NUP210L: variants seen among roughly 807,000 people sequenced by gnomAD.
The protein encoded by NUP210L is nucleoporin 210 like, also known as nuclear pore membrane glycoprotein 210-like.
A neutral mutation model predicts 208.5 loss-of-function variants in NUP210L; 74 were observed. The ratio of observed to expected loss-of-function variants is 0.35; its 90% CI spans 0.29 to 0.43. NUP210L has a LOEUF of 0.43. NUP210L is among the 20% of genes least tolerant of loss of function. NUP210L has a pLI of 1.00. For missense variants in NUP210L, 1,843 were observed against 2,289.4 expected, an observed-to-expected ratio of 0.81 and a Z score of 3.98; for synonymous variants, 780 against 816.9, an observed-to-expected ratio of 0.95 and a Z score of 0.77.
chr1:154,124,193 A>G (rs954471842), intron 10 of NUP210L, among the ~76,000 whole-genome samples: 4 of 31,082 alleles, frequency 1.3e-4, no homozygotes, highest in Admixed American at 7.1e-4. Context: ...TCTCAAAAAG[A>G]AAAAAAAAAA....
chr1:154,082,212 A>G (rs1198412008), intron 16 of NUP210L, among the ~76,000 whole-genome samples: 1 of 152,228 alleles, frequency 6.6e-6, no homozygotes, highest in Non-Finnish European at 1.5e-5. Context: ...GTTGGTCATA[A>G]GAGTGGGTAG....
At chr1:154,105,379 A>G (rs1232586053) in intron 12 of NUP210L, among the ~76,000 whole-genome samples, 1 of 152,004 alleles carries the variant, frequency 6.6e-6, no homozygotes, top group African/African-American at 2.4e-5. Context: ...AATCCCAGCT[A>G]TCAGGAGGCT....
intron 16 of NUP210L, among the ~76,000 whole-genome samples, chr1:154,073,266 C>T (rs908506004): frequency 1.3e-5 from 2 of 151,974 alleles, no homozygotes; most frequent in Non-Finnish European, 2.9e-5. Flanking sequence ...TTTGTAGAGA[C>T]GGGGTCTCAC....
At chr1:154,035,081 C>G (rs957094668) in intron 27 of NUP210L, among the ~76,000 whole-genome samples, 1 of 152,058 alleles carries the variant, frequency 6.6e-6, no homozygotes, top group Admixed American at 6.6e-5. Flanking sequence ...ACCTTGTGAT[C>G]TACCTGCCTC....
In NUP210L at chr1:154,139,699, A is replaced by C. The variant is rs1658735351; in HGVS notation, c.717+103T>G. 5 of 883,838 alleles carry C rather than the reference A, an allele frequency of 5.7e-6. No homozygotes were observed. In the Middle Eastern group the frequency reaches 7.1e-4, roughly 126 times the overall value. The allele number at this position is 883,838 out of a possible 1,614,324, so 54.7% of individuals were successfully genotyped here. A position where few individuals can be genotyped will look rare whatever the true frequency, so the allele number is the denominator to read the frequency against. ...ACAAACAAACAAACAAAAAAAAAAA[A>C]AAAACAGGGCGGGTAGTGCATTCTT... On this transcript the variant is annotated intron_variant, in intron 5 of 39. Transcript: ENST00000368559.
chr1:154,007,352 TC>T (rs1442729995), intron 35 of NUP210L, among the ~76,000 whole-genome samples: 18 of 147,020 alleles, frequency 1.2e-4, no homozygotes, highest in Non-Finnish European at 1.5e-5. Flanking sequence ...AACCTCCACT[TC>T]CTGGGTTCAA....
At chr1:154,005,372 G>A (rs936542766) in intron 35 of NUP210L, among the ~76,000 whole-genome samples, 5 of 148,354 alleles carry the variant, frequency 3.4e-5, no homozygotes, top group Non-Finnish European at 4.5e-5. Flanking sequence ...TACCCAAGTA[G>A]CGTGAGCCAC....
intron 7 of NUP210L, 127 bp downstream of exon 7, chr1:154,135,687 C>T (rs1306000246): frequency 2.7e-6 from 2 of 752,284 alleles, no homozygotes; most frequent in East Asian, 2.9e-5. Context: ...TCCCAAAGTG[C>T]TGGAATTACA....
chr1:154,102,529 A>G (rs568892304), intron 13 of NUP210L, among the ~76,000 whole-genome samples: 1 of 152,268 alleles, frequency 6.6e-6, no homozygotes, highest in South Asian at 2.1e-4. Context: ...ATATGTATGT[A>G]TGTATGTAGT....
At chr1:154,020,863 T>C (rs1248472894) in intron 32 of NUP210L, among the ~76,000 whole-genome samples, 2 of 152,024 alleles carry the variant, frequency 1.3e-5, no homozygotes, top group African/African-American at 4.8e-5. Context: ...GATTTCACCA[T>C]GTTGGCCAGG....
intron 15 of NUP210L, among the ~76,000 whole-genome samples, chr1:154,092,543 GTTTTTTGTTTTTTT>G (rs1655984275): frequency 7.4e-6 from 1 of 135,708 alleles, no homozygotes. Flanking sequence ...CTAGTTTTTT[GTTTTTTGTTTTTTT>G]TTTTTTTTTA....
At chr1:154,126,960 A>G (rs1658010510) in intron 9 of NUP210L, among the ~76,000 whole-genome samples, 1 of 152,082 alleles carries the variant, frequency 6.6e-6, no homozygotes, top group Admixed American at 6.6e-5. Flanking sequence ...GCATTCCTCA[A>G]GAACAGAACT....
At chr1:154,060,507 G>C in intron 20 of NUP210L, 33 bp downstream of exon 20, 1 of 1,353,400 alleles carries the variant, frequency 7.4e-7, no homozygotes, top group Non-Finnish European at 1.0e-6. Flanking sequence ...TTTGGCCTGA[G>C]ACCATCAATC....
At chr1:154,125,688 AG>A (rs1557994868) in intron 10 of NUP210L, among the ~76,000 whole-genome samples, 7 of 9,580 alleles carry the variant, frequency 7.3e-4, no homozygotes, top group African/African-American at 1.6e-3. Flanking sequence ...GAAGGAAGGA[AG>A]GAAGGAAGGA....
chr1:154,071,900 C>T (rs958714984), intron 16 of NUP210L, among the ~76,000 whole-genome samples: 47 of 151,886 alleles, frequency 3.1e-4, no homozygotes, highest in Non-Finnish European at 5.9e-4. Flanking sequence ...CCTCCCAAAG[C>T]GCTGAGATTA....
intron 2 of NUP210L, among the ~76,000 whole-genome samples, chr1:154,151,333 G>T (rs892490007): frequency 6.7e-6 from 1 of 148,370 alleles, no homozygotes; most frequent in Non-Finnish European, 1.5e-5. Context: ...TCTGCAATTG[G>T]GATTTATCTT....
chr1:154,033,426 A>G (rs1299096829), intron 27 of NUP210L, among the ~76,000 whole-genome samples: 1 of 152,152 alleles, frequency 6.6e-6, no homozygotes, highest in Admixed American at 6.6e-5. Flanking sequence ...ATTTTTGCAT[A>G]TGGCGAGAGA....
chr1:154,139,983 C>A (rs199607098), intron 4 of NUP210L, 31 bp from the exon 5 acceptor site: 7 of 1,552,092 alleles, frequency 4.5e-6, no homozygotes, highest in Non-Finnish European at 8.8e-7. Flanking sequence ...GTGTTTCTAG[C>A]AGAATTAAAC....
intron 9 of NUP210L, among the ~76,000 whole-genome samples, chr1:154,127,108 TAA>T (rs5777889): frequency 8.2e-4 from 109 of 132,500 alleles, no homozygotes; most frequent in Admixed American, 1.1e-3. Flanking sequence ...TGTGTCTCTT[TAA>T]AAAAAAAAAA....
Sources: gnomAD v4.1 joint callset for allele counts (sites outside exome capture counted in the v4.1 genomes callset) on GRCh38, gnomAD v4.1.1 for gene constraint, MANE v1.5 for transcripts, NCBI Gene and HGNC (gene_info 2026-07-23, HGNC 2026-07-21) for gene names.